Variants in EFR3A observed in about 807,000 individuals in gnomAD.
The protein encoded by EFR3A is protein EFR3 homolog A.
Under a neutral mutation model 104.4 loss-of-function variants are expected in EFR3A, and 76 were observed. The ratio of observed to expected loss-of-function variants is 0.73; its 90% confidence interval spans 0.60 to 0.88. The LOEUF (loss-of-function observed/expected upper bound fraction) is 0.88, where lower values mean the gene tolerates loss of function less well. Among genes scored for constraint, EFR3A ranks in the 40% least tolerant of loss-of-function variants. EFR3A has a pLI of 0.00. For synonymous variants in EFR3A, 330 were observed against 330.0 expected (o/e 1.00, Z 0.00); for missense variants, 985 against 1,012.5 (o/e 0.97, Z 0.37).
intron 8 of EFR3A, among the ~76,000 whole-genome samples, chr8:131,965,650 T>A (rs1819666128): frequency 6.6e-6 from 1 of 152,216 alleles, no homozygotes. Context: ...GAAGGCAGTG[T>A]GGCAATTCCT....
Position 132,011,238 on chromosome 8 carries a change from A to T in EFR3A, c.*343A>T. ...AAAAGTAAGCCTTCAGAGGATTGAA[A>T]CTGTATAAATTGTTTATCTCTTAAA... On this transcript the variant is annotated 3_prime_UTR_variant, in exon 23 of 23. Transcript: ENST00000254624. 1.0e-6 allele frequency: 1 copy of T among 999,754 alleles called. No individual in the cohort carries two copies. The highest frequency in any genetic ancestry group is 4.5e-5 in the South Asian group (1 of 22,010). 61.9% of individuals were successfully genotyped at this position (999,754 alleles called of 1,614,324 possible). A position where few individuals can be genotyped will look rare whatever the true frequency, so the allele number is the denominator to read the frequency against.
At chr8:131,961,191 A>G (rs565050699) in intron 8 of EFR3A, among the ~76,000 whole-genome samples, 79 of 152,336 alleles carry the variant, frequency 5.2e-4, no homozygotes, top group Non-Finnish European at 9.6e-4. Flanking sequence ...CTCACCAGCA[A>G]TGGAACAAAG....
intron 1 of EFR3A, among the ~76,000 whole-genome samples, chr8:131,909,679 TTACAC>T (rs1271473067): frequency 2.6e-5 from 4 of 152,174 alleles, no homozygotes; most frequent in Non-Finnish European, 5.9e-5. Context: ...TTTTCAGTCT[TTACAC>T]TATTGATGTC....
chr8:131,934,721 G>C (rs866400227), intron 1 of EFR3A, among the ~76,000 whole-genome samples: 1 of 151,858 alleles, frequency 6.6e-6, no homozygotes. Context: ...GCTCTGTTGA[G>C]TAATTAATTT....
Position 131,984,130 on chromosome 8 carries a change from T to C in EFR3A, c.1576-9T>C, listed in dbSNP as rs780233506. ...AAAATTACCTTTGTCCTCTGTCTTTTCTCCTCAGAATGGGCAACAGCTGTA... is the reference window on the plus strand; with the variant it reads ...AAAATTACCTTTGTCCTCTGTCTTTCCTCCTCAGAATGGGCAACAGCTGTA... On this transcript the variant is annotated splice_polypyrimidine_tract_variant and intron_variant, in intron 14 of 22. Coordinates refer to ENST00000254624, the MANE Select transcript of EFR3A (RefSeq NM_015137.6). The C allele has an allele frequency of 1.6e-5, 25 of 1,589,450 alleles. No individual in the cohort carries two copies. The highest frequency in any genetic ancestry group is 3.6e-5 in the Admixed American group (2 of 54,856).
At position 131,956,985 on chromosome 8, in the gene EFR3A, A is replaced by G. The variant is rs548617514; in HGVS notation, c.776+1080A>G. Among the ~76,000 whole-genome samples the G allele has an allele frequency of 7.9e-5, 12 of 152,260 alleles. No homozygotes were observed. In the South Asian group the frequency reaches 1.9e-3, roughly 24 times the overall value. On this transcript the variant is annotated intron_variant, in intron 7 of 22. Coordinates refer to ENST00000254624, the MANE Select transcript of EFR3A (RefSeq NM_015137.6). ...CTAATCTATAAGGCCTTAAAAATCT[A>G]GAGAGCTAGCTTGGAAGAAAGAATT...
intron 8 of EFR3A, among the ~76,000 whole-genome samples, chr8:131,960,121 G>T (rs773041439): frequency 1.3e-5 from 2 of 152,184 alleles, no homozygotes; most frequent in Non-Finnish European, 2.9e-5. Context: ...GCTGGCTTCA[G>T]TGTGCACTTG....
rs780742408 is a variant in EFR3A at position 131,977,029 on chromosome 8, T to G, written c.1275-12T>G. 4 of 1,581,654 alleles carry G rather than the reference T, an allele frequency of 2.5e-6. No individual in the cohort carries two copies. Among genetic ancestry groups the G allele is most frequent in the East Asian group, 2.3e-5 (1 of 44,166 alleles). On this transcript the variant is annotated splice_polypyrimidine_tract_variant and intron_variant, in intron 11 of 22. Coordinates refer to ENST00000254624, the MANE Select transcript of EFR3A (RefSeq NM_015137.6). Reference sequence around the variant, plus strand: ...TAATTAGTATAATAATTCAGCCTTTTGTATATTTTAGGGATTTGGGAACCA... The same window carrying G: ...TAATTAGTATAATAATTCAGCCTTTGGTATATTTTAGGGATTTGGGAACCA...
At position 132,004,375 on chromosome 8, in the gene EFR3A, G is replaced by A. The variant is rs536225121; in HGVS notation, c.2360+1090G>A. 3.3e-5 allele frequency among the ~76,000 whole-genome samples: 5 copies of A among 152,286 alleles called. No individual in the cohort carries two copies. In the East Asian group the frequency reaches 5.8e-4, roughly 18 times the overall value. On this transcript the variant is annotated intron_variant, in intron 22 of 22. Coordinates refer to ENST00000254624, the MANE Select transcript of EFR3A (RefSeq NM_015137.6). ...GAGCTCCGCTTCCTGTCAGATCAGC[G>A]CGGCATTAGATTCTCATAGGAGCAG...
At position 131,912,238 on chromosome 8, in the gene EFR3A, C is replaced by G. The variant is rs7845520; in HGVS notation, c.10+7916C>G. On this transcript the variant is annotated intron_variant, in intron 1 of 22. Transcript: ENST00000254624. Reference sequence around the variant, plus strand: ...CTCATCTGAATCCTGGGTGGGTGTGCTCACAGCTACATACTTCCTACGACC... The same window carrying G: ...CTCATCTGAATCCTGGGTGGGTGTGGTCACAGCTACATACTTCCTACGACC... Among the ~76,000 whole-genome samples, 1,304 of 152,248 alleles carry G rather than the reference C, an allele frequency of 8.6e-3. 23 individuals are homozygous for G. The highest frequency in any genetic ancestry group is 0.03 in the African/African-American group (1,231 of 41,552).
At chr8:132,010,446 ATAT>A (rs2130826618) in intron 22 of EFR3A, among the ~76,000 whole-genome samples, 11 of 131,116 alleles carry the variant, frequency 8.4e-5, no homozygotes, top group Non-Finnish European at 1.5e-4. Context: ...ATATATATAT[ATAT>A]AATGAAATAC....
intron 14 of EFR3A, among the ~76,000 whole-genome samples, chr8:131,982,334 C>T (rs1050933253): frequency 1.3e-5 from 2 of 152,040 alleles, no homozygotes; most frequent in Non-Finnish European, 2.9e-5. Flanking sequence ...AATTCATCTG[C>T]GTGTGGCTTC....
intron 12 of EFR3A, among the ~76,000 whole-genome samples, chr8:131,978,241 A>G (rs888503440): frequency 1.3e-5 from 2 of 152,166 alleles, no homozygotes; most frequent in Non-Finnish European, 2.9e-5. Flanking sequence ...ATTATACCAT[A>G]TAGTCAACTG....
chr8:131,939,806 C>G (rs1300878260), intron 1 of EFR3A: 1 of 152,108 alleles, frequency 6.6e-6, no homozygotes, highest in Admixed American at 6.6e-5. Flanking sequence ...TAATGTTGAT[C>G]TAAAGTATTT....
chr8:131,950,326 C>G (rs1425433368), intron 5 of EFR3A, among the ~76,000 whole-genome samples: 2 of 152,156 alleles, frequency 1.3e-5, no homozygotes, highest in African/African-American at 2.4e-5. Context: ...CTTACTCTGT[C>G]AGATCCTGTC....
At chr8:131,956,739 A>T (rs1390363079) in intron 7 of EFR3A, among the ~76,000 whole-genome samples, 1 of 152,168 alleles carries the variant, frequency 6.6e-6, no homozygotes, top group Admixed American at 6.5e-5. Flanking sequence ...ACAAAATTAT[A>T]TTAAAAATTA....
intron 9 of EFR3A, among the ~76,000 whole-genome samples, 168 bp from the exon 10 acceptor site, chr8:131,970,304 CTTAA>C (rs1466279531): frequency 6.6e-6 from 1 of 152,032 alleles, no homozygotes; most frequent in African/African-American, 2.4e-5. Flanking sequence ...GAGTGTCTTT[CTTAA>C]TTATTTCTCA....
intron 8 of EFR3A, among the ~76,000 whole-genome samples, chr8:131,966,177 T>C (rs1157952311): frequency 6.6e-6 from 1 of 152,066 alleles, no homozygotes; most frequent in Non-Finnish European, 1.5e-5. Flanking sequence ...AACCTGCACA[T>C]TGTGCACATG....
chr8:131,958,552 C>T (rs769284418), intron 7 of EFR3A, among the ~76,000 whole-genome samples: 6 of 151,486 alleles, frequency 4.0e-5, no homozygotes, highest in Non-Finnish European at 7.4e-5. Context: ...CGTAGTAGAC[C>T]TTAATAACTA....
Sources: gnomAD v4.1 joint callset for allele counts (sites outside exome capture counted in the v4.1 genomes callset) on GRCh38, gnomAD v4.1.1 for gene constraint, MANE v1.5 for transcripts, NCBI Gene and HGNC (gene_info 2026-07-23, HGNC 2026-07-21) for gene names.